ZFAT: variants seen among roughly 807,000 people sequenced by gnomAD.
ZFAT encodes the protein zinc finger protein ZFAT.
ZFAT carries 64 observed loss-of-function variants against 117.7 expected under a neutral mutation model. The ratio of observed to expected loss-of-function variants is 0.54; its 90% CI spans 0.44 to 0.67. The LOEUF (loss-of-function observed/expected upper bound fraction) is 0.67, where lower values mean the gene tolerates loss of function less well. Ranked by LOEUF, ZFAT falls within the 30% of genes least tolerant of loss-of-function variation. The pLI, the probability that ZFAT is intolerant of heterozygous loss-of-function variation, is 0.00. For synonymous variants in ZFAT, 679 were observed against 615.0 expected, an observed-to-expected ratio of 1.10 and a Z score of -1.54; for missense variants, 1,433 against 1,584.5, an observed-to-expected ratio of 0.90 and a Z score of 1.62.
the ZFAT span, among the ~76,000 whole-genome samples, chr8:134,808,999 C>G: frequency 2.6e-4 from 40 of 152,310 alleles, no homozygotes; most frequent in African/African-American, 8.9e-4. Context: ...CTTCTGTCAC[C>G]TCTAACAGGA....
intron 1 of ZFAT, 104 bp downstream of exon 1, chr8:134,712,741 C>CG: frequency 8.5e-7 from 1 of 1,170,494 alleles, no homozygotes; most frequent in Non-Finnish European, 1.1e-6. Context: ...CGGCGGCCGG[C>CG]GGCCGGCGCA....
chr8:134,517,910 C>T (rs1245215291), intron 13 of ZFAT, among the ~76,000 whole-genome samples: 1 of 152,204 alleles, frequency 6.6e-6, no homozygotes. Context: ...TATCAGGTCA[C>T]ACATGATGTC....
chr8:134,670,347 T>C (rs1187256128), intron 1 of ZFAT, among the ~76,000 whole-genome samples: 4 of 152,238 alleles, frequency 2.6e-5, no homozygotes, highest in Admixed American at 1.3e-4. Context: ...ACCACATAGT[T>C]GGAAGTAAAG....
At chr8:134,746,583 C>CT in the ZFAT span, among the ~76,000 whole-genome samples, 8 of 151,988 alleles carry the variant, frequency 5.3e-5, no homozygotes, top group Non-Finnish European at 7.4e-5. Flanking sequence ...TGTTGCTGAA[C>CT]TTTTTTTTAA....
intron 2 of ZFAT, among the ~76,000 whole-genome samples, chr8:134,645,000 C>T (rs1022831495): frequency 5.3e-5 from 8 of 152,226 alleles, no homozygotes; most frequent in South Asian, 4.1e-4. Context: ...ATCACACACA[C>T]GCACATGGGA....
In ZFAT at chr8:134,712,921, T is replaced by A; in HGVS notation, c.-58A>T. ...TCGGGCTCTTCCGGGCCCCCTCCCG[T>A]GCCGACCGAGGGGGCGGGGCGCCCT... On this transcript the variant is annotated 5_prime_UTR_variant, in exon 1 of 16. Coordinates refer to ENST00000377838, the MANE Select transcript of ZFAT (RefSeq NM_020863.4). The A allele has an allele frequency of 6.9e-7, 1 of 1,451,600 alleles. No individual in the cohort carries two copies. The highest frequency in any genetic ancestry group is 9.1e-7 in the Non-Finnish European group (1 of 1,102,248). 89.9% of individuals were successfully genotyped at this position (1,451,600 alleles called of 1,614,324 possible). A position where few individuals can be genotyped will look rare whatever the true frequency, so the allele number is the denominator to read the frequency against.
chr8:134,623,352 C>T (rs1002728994), intron 3 of ZFAT, among the ~76,000 whole-genome samples: 1 of 152,202 alleles, frequency 6.6e-6, no homozygotes, highest in Non-Finnish European at 1.5e-5. Flanking sequence ...GTGGTTTATC[C>T]TTCTGCTTCC....
intron 9 of ZFAT, 129 bp downstream of exon 9, chr8:134,588,117 C>G: frequency 8.8e-7 from 1 of 1,131,860 alleles, no homozygotes; most frequent in South Asian, 1.7e-5. Context: ...ATGGACACAT[C>G]TCTCAGTGTG....
chr8:134,582,968 C>G (rs1228683394), intron 10 of ZFAT, among the ~76,000 whole-genome samples: 1 of 152,182 alleles, frequency 6.6e-6, no homozygotes, highest in African/African-American at 2.4e-5. Flanking sequence ...GAAGTATTTA[C>G]AAGTCCCTCA....
At chr8:134,517,560 A>G (rs1820341644) in intron 13 of ZFAT, among the ~76,000 whole-genome samples, 1 of 152,226 alleles carries the variant, frequency 6.6e-6, no homozygotes, top group African/African-American at 2.4e-5. Context: ...CGCAATGATC[A>G]AAACAAGAAA....
At chr8:134,791,852 T>C in the ZFAT span, among the ~76,000 whole-genome samples, 1 of 152,148 alleles carries the variant, frequency 6.6e-6, no homozygotes, top group East Asian at 1.9e-4. Context: ...TGGGAGTTTC[T>C]GAAAAAGCTT....
chr8:134,602,372 C>A lies in ZFAT; in HGVS notation c.1347G>T (p.Leu449=). 1 of 1,613,842 alleles carries A rather than the reference C, an allele frequency of 6.2e-7. No homozygotes were observed. Among genetic ancestry groups the A allele is most frequent in the South Asian group, 1.1e-5 (1 of 91,090 alleles). Residue 449 remains leucine, a synonymous_variant, in exon 6 of 16, where the codon CTG becomes CTT. Transcript: ENST00000377838. The stretch of plus-strand genomic sequence containing the variant: ...ACACGAAGGGGTGCTTCCTGACATG[C>A]AGTTCCAGCGCCTGGTACTTGGTGG... ...HGATKYQALE[L]HVRKHPFVYV...
chr8:134,692,132 C>T (rs540905007), intron 1 of ZFAT, among the ~76,000 whole-genome samples: 1 of 152,224 alleles, frequency 6.6e-6, no homozygotes, highest in African/African-American at 2.4e-5. Context: ...CCACCGTGCC[C>T]GGCCTGAACT....
chr8:134,674,026 GA>G (rs1366690656), intron 1 of ZFAT, among the ~76,000 whole-genome samples: 2 of 152,200 alleles, frequency 1.3e-5, no homozygotes, highest in Non-Finnish European at 2.9e-5. Context: ...CAGTGAGAGC[GA>G]AGCAGAAGGT....
chr8:134,716,759 A>G (rs1814214785), upstream of ZFAT, among the ~76,000 whole-genome samples: 6 of 152,282 alleles, frequency 3.9e-5, no homozygotes, highest in Admixed American at 3.9e-4. Context: ...TTAACATTGT[A>G]TATGCAAAAA....
Position 134,487,812 on chromosome 8 carries a change from G to A in ZFAT, c.3493-9091C>T, listed in dbSNP as rs375381009. On this transcript the variant is annotated intron_variant, in intron 15 of 15. Transcript: ENST00000377838. ...CTCCTGTTAAACACCAGCAGCACTG[G>A]ATCCCAGCTAGCACTTCATGCCGCT... 7.2e-5 allele frequency among the ~76,000 whole-genome samples: 11 copies of A among 152,336 alleles called. No homozygotes were observed. In the East Asian group the frequency reaches 9.6e-4, roughly 13 times the overall value.
At chr8:134,818,021 T>C in the ZFAT span, among the ~76,000 whole-genome samples, 4 of 152,294 alleles carry the variant, frequency 2.6e-5, no homozygotes, top group Admixed American at 1.3e-4. Context: ...TATATTTAGA[T>C]AGAAAACCTA....
At chr8:134,509,589 G>C (rs1586610812) in intron 15 of ZFAT, 30 bp downstream of exon 15, 1 of 1,612,310 alleles carries the variant, frequency 6.2e-7, no homozygotes, top group African/African-American at 1.3e-5. Flanking sequence ...GACACACAGA[G>C]ATGAATAGTT....
the ZFAT span, among the ~76,000 whole-genome samples, chr8:134,748,874 A>G: frequency 6.6e-6 from 1 of 152,098 alleles, no homozygotes; most frequent in Non-Finnish European, 1.5e-5. Flanking sequence ...TGTGAGGTAC[A>G]TGTTCAAGTC....
Sources: gnomAD v4.1 joint callset for allele counts (sites outside exome capture counted in the v4.1 genomes callset) on GRCh38, gnomAD v4.1.1 for gene constraint, MANE v1.5 for transcripts, NCBI Gene and HGNC (gene_info 2026-07-23, HGNC 2026-07-21) for gene names.